The following IFI6 variants were observed in gnomAD, a reference collection of about 807,000 sequenced individuals.
IFI6 encodes interferon alpha-inducible protein 6.
A neutral mutation model predicts 12.7 loss-of-function variants in IFI6; 10 were observed. The observed-to-expected ratio is 0.79, with a 90% CI of 0.49 to 1.33. The LOEUF (loss-of-function observed/expected upper bound fraction) is 1.33. Ranked by LOEUF, IFI6 falls within the 40% of genes most tolerant of loss-of-function variation. IFI6 has a pLI of 0.00. For missense variants in IFI6, 154 were observed against 180.4 expected, an observed-to-expected ratio of 0.85 and a Z score of 0.84; for synonymous variants, 89 against 86.2, an observed-to-expected ratio of 1.03 and a Z score of -0.18.
At position 27,666,404 on chromosome 1, in the gene IFI6, C is replaced by T. The variant is rs762985817; in HGVS notation, c.370G>A (p.Asp124Asn). Residue 124 changes from aspartate (D) to asparagine (N), a missense_variant, in exon 5 of 5, where the codon GAT (aspartate) becomes AAT (asparagine). Coordinates refer to ENST00000361157, the MANE Select transcript of IFI6 (RefSeq NM_002038.4). ...GGCTACTCCTCATCCTCCTCACTAT[C>T]GAGATACTTGTGGGTGGCGTAGCCC... ...LMGYATHKYL[D>N]SEEDEE 3.7e-6 allele frequency: 6 copies of T among 1,611,206 alleles called. No individual in the cohort carries two copies. Among genetic ancestry groups the T allele is most frequent in the East Asian group, 2.2e-5 (1 of 44,724 alleles).
At chr1:27,671,795 C>T (rs1163214980) in intron 1 of IFI6, among the ~76,000 whole-genome samples, 2 of 152,162 alleles carry the variant, frequency 1.3e-5, no homozygotes, top group Non-Finnish European at 2.9e-5. Context: ...ATCATCCAGT[C>T]CTTTGAGCAG....
intron 4 of IFI6, among the ~76,000 whole-genome samples, chr1:27,666,981 G>A (rs2090356686): frequency 7.0e-6 from 1 of 142,724 alleles, no homozygotes. Flanking sequence ...AAGATGCGAG[G>A]TTCAGAAAGG....
At chr1:27,666,553 G>A (rs967750899) in intron 4 of IFI6, 78 bp from the exon 5 acceptor site, 3 of 991,080 alleles carry the variant, frequency 3.0e-6, no homozygotes, top group African/African-American at 3.2e-5. Flanking sequence ...ACCATTGGTT[G>A]AGTCCAACCC....
chr1:27,669,183 A>C lies in IFI6; in HGVS notation c.70+62T>G, dbSNP rs1362898008. 3 of 1,516,914 alleles carry C rather than the reference A, an allele frequency of 2.0e-6. No homozygotes were observed. The East Asian group carries it at 7.4e-5, about 37-fold the overall frequency. The allele number at this position is 1,516,914 out of a possible 1,614,324, so 94.0% of individuals were successfully genotyped here. A position where few individuals can be genotyped will look rare whatever the true frequency, so the allele number is the denominator to read the frequency against. ...TACCCGCATCCTTACCTGCACCCTT[A>C]CTTGCATCCTTACCTGCACCCTTAC... On this transcript the variant is annotated intron_variant, in intron 2 of 4. Transcript: ENST00000361157.
At chr1:27,667,180 G>T (rs1414766078) in intron 4 of IFI6, among the ~76,000 whole-genome samples, 1 of 137,032 alleles carries the variant, frequency 7.3e-6, no homozygotes, top group East Asian at 2.4e-4. Context: ...AAAGTGGGAG[G>T]ATTGCTTGAG....
intron 4 of IFI6, among the ~76,000 whole-genome samples, chr1:27,667,091 G>A (rs2090357778): frequency 6.6e-6 from 1 of 151,432 alleles, no homozygotes; most frequent in Admixed American, 6.6e-5. Context: ...GGAGAGAGAG[G>A]GAAGTAAGGC....
In IFI6 at chr1:27,672,177, A is replaced by G. The variant is rs1330683624; in HGVS notation, c.-87T>C. ...GCCCGGAGCCTGCTGATAGATGGGCACAGCAGCGAGTAAACGGTTCTCCGG... is the reference window on the plus strand; with the variant it reads ...GCCCGGAGCCTGCTGATAGATGGGCGCAGCAGCGAGTAAACGGTTCTCCGG... On this transcript the variant is annotated 5_prime_UTR_variant, in exon 1 of 5. Coordinates refer to ENST00000361157, the MANE Select transcript of IFI6 (RefSeq NM_002038.4). 2 of 152,288 alleles carry G rather than the reference A, an allele frequency of 1.3e-5. No homozygotes were observed. Among genetic ancestry groups the G allele is most frequent in the Non-Finnish European group, 2.9e-5 (2 of 68,066 alleles). 9.4% of individuals were successfully genotyped at this position (152,288 alleles called of 1,614,324 possible). A position where few individuals can be genotyped will look rare whatever the true frequency, so the allele number is the denominator to read the frequency against.
intron 4 of IFI6, 94 bp from the exon 5 acceptor site, chr1:27,666,569 G>A: frequency 1.2e-6 from 1 of 807,540 alleles, no homozygotes; most frequent in Non-Finnish European, 2.0e-6. Context: ...AACCCCTTAT[G>A]TCTAGATGGA....
At chr1:27,671,234 C>T (rs1478017941) in intron 1 of IFI6, among the ~76,000 whole-genome samples, 2 of 152,104 alleles carry the variant, frequency 1.3e-5, no homozygotes, top group Non-Finnish European at 2.9e-5. Flanking sequence ...AACAACACCA[C>T]GAAGTAGGTA....
chr1:27,672,031 C>T (rs1174917200), intron 1 of IFI6, 92 bp downstream of exon 1: 1 of 152,242 alleles, frequency 6.6e-6, no homozygotes, highest in Non-Finnish European at 1.5e-5. Context: ...GAAGGGGCCT[C>T]CTGGCTCTCA....
intron 2 of IFI6, among the ~76,000 whole-genome samples, 176 bp downstream of exon 2, chr1:27,669,055 GCATCCTTACCTGCA>G (rs1287590949): frequency 6.8e-6 from 1 of 146,450 alleles, no homozygotes; most frequent in African/African-American, 2.6e-5. Flanking sequence ...ATCCTTACCC[GCATCCTTACCTGCA>G]TCCTTACCCG....
At chr1:27,668,994 TGCATCCTTACCCGCATCCTTACCC>T (rs796241265) in intron 2 of IFI6, among the ~76,000 whole-genome samples, 9 of 13,724 alleles carry the variant, frequency 6.6e-4, no homozygotes, top group Admixed American at 5.1e-3. Flanking sequence ...CATCCTTACC[TGCATCCTTACCCGCATCCTTACCC>T]GCACCCTTAC....
chr1:27,671,204 C>T (rs1313581662), intron 1 of IFI6, among the ~76,000 whole-genome samples: 6 of 152,116 alleles, frequency 3.9e-5, no homozygotes, highest in South Asian at 2.1e-4. Context: ...CTTTATGGCA[C>T]GCAGTCCACT....
chr1:27,668,939 C>A (rs2090378773), intron 2 of IFI6, among the ~76,000 whole-genome samples: 2 of 151,950 alleles, frequency 1.3e-5, no homozygotes, highest in Non-Finnish European at 1.5e-5. Context: ...TTACCTGCAC[C>A]CTTATCTGTT....
At chr1:27,669,474 C>A in intron 1 of IFI6, 128 bp from the exon 2 acceptor site, 1 of 623,208 alleles carries the variant, frequency 1.6e-6, no homozygotes, top group Non-Finnish European at 2.9e-6. Flanking sequence ...ACCCAGGATC[C>A]CTCTCAGGAG....
chr1:27,667,712 C>T lies in IFI6; in HGVS notation c.298+514G>A, dbSNP rs78829455. ...CTTTGAGGCTGAGAATGGGGCTTCT[C>T]GCATTGTACTGACTGGGTCAGAATC... On this transcript the variant is annotated intron_variant, in intron 4 of 4. Transcript: ENST00000361157. 4.1e-3 allele frequency among the ~76,000 whole-genome samples: 621 copies of T among 152,288 alleles called. 1 individual carries two copies. The highest frequency in any genetic ancestry group is 0.014 in the African/African-American group (580 of 41,558).
Position 27,671,913 on chromosome 1 carries a change from G to A in IFI6, c.-33+210C>T, listed in dbSNP as rs12046387. ...ATTGCACCTGTAAGCTGGGTCTCAT[G>A]CCACTTGGGGTTTTGCATCCCATCT... On this transcript the variant is annotated intron_variant, in intron 1 of 4. Coordinates refer to ENST00000361157, the MANE Select transcript of IFI6 (RefSeq NM_002038.4). Among the ~76,000 whole-genome samples the A allele has an allele frequency of 9.2e-5, 14 of 152,316 alleles. No homozygotes were observed. In the East Asian group the frequency reaches 1.9e-3, roughly 21 times the overall value.
At position 27,668,301 on chromosome 1, in the gene IFI6, G is replaced by A; in HGVS notation, c.223C>T (p.Leu75=). 1 of 1,581,742 alleles carries A rather than the reference G, an allele frequency of 6.3e-7. No homozygotes were observed. Among genetic ancestry groups the A allele is most frequent in the Non-Finnish European group, 8.6e-7 (1 of 1,166,986 alleles). The change falls in exon 4 of 5, where the codon CTG becomes TTG. Residue 75 remains leucine, a synonymous_variant. Transcript: ENST00000361157. ...GIAANSVAAS[L]MSWSAILNGG... ...TTCAGGATCGCAGACCAGCTCATCA[G>A]CGAGGCAGCCACCGAGTTGGCCGCG...
At chr1:27,667,590 A>G (rs1480744573) in intron 4 of IFI6, among the ~76,000 whole-genome samples, 3 of 152,216 alleles carry the variant, frequency 2.0e-5, no homozygotes, top group East Asian at 1.9e-4. Context: ...GAGATTGAGC[A>G]GATTCAAAAA....
Sources: allele counts gnomAD v4.1 joint callset (sites outside exome capture counted in the v4.1 genomes callset), GRCh38; gene constraint gnomAD v4.1.1; transcripts MANE v1.5; gene names NCBI Gene and HGNC (gene_info 2026-07-23, HGNC 2026-07-21).